The following CTNNA2 variants were observed in gnomAD, a reference collection of about 807,000 sequenced individuals.
CTNNA2 encodes catenin alpha 2, also known as catenin alpha-2.
In CTNNA2, 42 loss-of-function variants were observed where a neutral mutation model predicts 101.0. That is an observed-to-expected ratio of 0.42 (90% CI 0.32 to 0.54). The LOEUF (loss-of-function observed/expected upper bound fraction) is 0.54. Among genes scored for constraint, CTNNA2 ranks in the 20% least tolerant of loss-of-function variants. The probability of loss-of-function intolerance (pLI) is 0.14; values close to 1 mark genes in which losing one functional copy is unlikely to be tolerated. For missense variants in CTNNA2, 871 were observed against 1,223.1 expected (o/e 0.71, Z 4.29); for synonymous variants, 450 against 456.4 (o/e 0.99, Z 0.18).
chr2:79,819,728 C>T (rs1220756147), intron 3 of CTNNA2, among the ~76,000 whole-genome samples: 2 of 151,766 alleles, frequency 1.3e-5, no homozygotes, highest in East Asian at 3.9e-4. Flanking sequence ...TGTTTTGTAG[C>T]ACAATAGGGC....
intron 4 of CTNNA2, among the ~76,000 whole-genome samples, chr2:79,378,449 A>C (rs1219033262): frequency 6.6e-6 from 1 of 152,162 alleles, no homozygotes; most frequent in Non-Finnish European, 1.5e-5. Context: ...TAGTTAAAAA[A>C]TTGTGGGGCC....
At chr2:80,340,523 A>G (rs1039602176) in intron 7 of CTNNA2, among the ~76,000 whole-genome samples, 2 of 152,174 alleles carry the variant, frequency 1.3e-5, no homozygotes, top group African/African-American at 4.8e-5. Flanking sequence ...GTCTCTTCCC[A>G]TTTTATCTCT....
chr2:79,678,757 C>T (rs1194904218), intron 2 of CTNNA2, among the ~76,000 whole-genome samples: 1 of 152,110 alleles, frequency 6.6e-6, no homozygotes, highest in Non-Finnish European at 1.5e-5. Flanking sequence ...ATTGTGGCCT[C>T]AGTGATCTTG....
chr2:79,465,279 A>C (rs1346958660), intron 4 of CTNNA2, among the ~76,000 whole-genome samples: 1 of 152,192 alleles, frequency 6.6e-6, no homozygotes, highest in East Asian at 1.9e-4. Flanking sequence ...GGTTCATCAA[A>C]GATCAGATGG....
intron 7 of CTNNA2, among the ~76,000 whole-genome samples, chr2:80,065,722 T>A (rs1697940841): frequency 6.6e-6 from 1 of 152,204 alleles, no homozygotes; most frequent in Non-Finnish European, 1.5e-5. Flanking sequence ...CTTACAGTGT[T>A]GTTGTAGATT....
At chr2:80,505,752 A>T (rs1688226941) in intron 9 of CTNNA2, among the ~76,000 whole-genome samples, 1 of 152,212 alleles carries the variant, frequency 6.6e-6, no homozygotes, top group African/African-American at 2.4e-5. Context: ...CTTTGCAGAT[A>T]CCTTGTTAAC....
intron 6 of CTNNA2, among the ~76,000 whole-genome samples, chr2:79,894,063 T>TTCTTCTTCCTCCTCC (rs772035711): frequency 1.6e-5 from 1 of 61,320 alleles, no homozygotes; most frequent in African/African-American, 6.1e-5. Context: ...CTTCTTCTTC[T>TTCTTCTTCCTCCTCC]TCCTCCTCCT....
At chr2:79,240,464 C>T (rs1674612704) in intron 2 of CTNNA2, among the ~76,000 whole-genome samples, 2 of 152,094 alleles carry the variant, frequency 1.3e-5, no homozygotes, top group Admixed American at 1.3e-4. Flanking sequence ...TAAGTGAGAA[C>T]ATGAGGTATT....
intron 7 of CTNNA2, among the ~76,000 whole-genome samples, chr2:80,286,832 A>G (rs1314762032): frequency 6.6e-6 from 1 of 152,152 alleles, no homozygotes; most frequent in Non-Finnish European, 1.5e-5. Flanking sequence ...GTCATTATGT[A>G]TGTGGATGTT....
At position 80,302,068 on chromosome 2, in the gene CTNNA2, T is replaced by A. The variant is rs1676373367; in HGVS notation, c.1057-91143T>A. The A allele has an allele frequency of 2.2e-5, 17 of 786,972 alleles. No individual in the cohort carries two copies. In the East Asian group the frequency reaches 4.4e-4, roughly 21 times the overall value. The allele number at this position is 786,972 out of a possible 1,614,324, so 48.7% of individuals were successfully genotyped here. A position where few individuals can be genotyped will look rare whatever the true frequency, so the allele number is the denominator to read the frequency against. On this transcript the variant is annotated intron_variant, in intron 7 of 18. Coordinates refer to ENST00000402739, the MANE Select transcript of CTNNA2 (RefSeq NM_001282597.3). The surrounding 1 kb of genome is among the most constrained non-coding windows in gnomAD (Gnocchi z 6.4). The stretch of plus-strand genomic sequence containing the variant: ...GGTGGGGTTTTTTGTTGTGTTTTAA[T>A]TCGCTTTTGTTTTTAAGACACAATA...
At chr2:79,803,685 T>A (rs1676342284) in intron 3 of CTNNA2, among the ~76,000 whole-genome samples, 1 of 152,238 alleles carries the variant, frequency 6.6e-6, no homozygotes, top group South Asian at 2.1e-4. Context: ...GATTTTTGTT[T>A]ATGGCCAGTT....
chr2:80,540,455 G>A (rs189192045), intron 9 of CTNNA2, among the ~76,000 whole-genome samples: 139 of 152,116 alleles, frequency 9.1e-4, no homozygotes, highest in African/African-American at 3.2e-3. Flanking sequence ...AAATTAGCCA[G>A]GCGTAGTGTT....
chr2:80,003,019 G>C (rs1693068747), intron 7 of CTNNA2, among the ~76,000 whole-genome samples: 1 of 152,106 alleles, frequency 6.6e-6, no homozygotes, highest in Non-Finnish European at 1.5e-5. Context: ...TACCCACTTA[G>C]GTTAAGTGGT....
At chr2:79,312,426 C>T (rs1481155860) in intron 2 of CTNNA2, among the ~76,000 whole-genome samples, 2 of 152,052 alleles carry the variant, frequency 1.3e-5, no homozygotes, top group African/African-American at 4.8e-5. Context: ...CTTTCCTAAC[C>T]ACGCCGTTAT....
At chr2:80,632,485 T>C (rs570576505) in intron 18 of CTNNA2, among the ~76,000 whole-genome samples, 1 of 152,224 alleles carries the variant, frequency 6.6e-6, no homozygotes, top group South Asian at 2.1e-4. Context: ...AAAGCCAAAT[T>C]TGAGGGCCCC....
intron 3 of CTNNA2, among the ~76,000 whole-genome samples, chr2:79,341,253 A>G (rs1420782963): frequency 6.6e-6 from 1 of 152,190 alleles, no homozygotes; most frequent in African/African-American, 2.4e-5. Flanking sequence ...TAGCGTACTT[A>G]CAGTCTAGAA....
At chr2:79,363,037 G>T (rs1320940478) in intron 3 of CTNNA2, among the ~76,000 whole-genome samples, 1 of 152,214 alleles carries the variant, frequency 6.6e-6, no homozygotes, top group African/African-American at 2.4e-5. Context: ...CTTCCTAGCT[G>T]TGTGGTCTTG....
At chr2:80,542,117 TA>T (rs60690540) in intron 9 of CTNNA2, among the ~76,000 whole-genome samples, 17 of 135,780 alleles carry the variant, frequency 1.3e-4, no homozygotes, top group African/African-American at 3.0e-4. Context: ...AGATTCTTTT[TA>T]AAAAAAAAGT....
At chr2:79,401,341 AT>A (rs1013948120) in intron 4 of CTNNA2, among the ~76,000 whole-genome samples, 16 of 151,404 alleles carry the variant, frequency 1.1e-4, no homozygotes, top group Admixed American at 8.6e-4. Flanking sequence ...ATAAATATAT[AT>A]TTTTTTAAAA....
Sources: gnomAD v4.1 joint callset for allele counts (sites outside exome capture counted in the v4.1 genomes callset) on GRCh38, gnomAD v4.1.1 for gene constraint, Gnocchi (gnomAD v3.1) non-coding constraint, MANE v1.5 for transcripts, NCBI Gene and HGNC (gene_info 2026-07-23, HGNC 2026-07-21) for gene names.